Variants in UVSSA observed in about 807,000 individuals in gnomAD.
The protein encoded by UVSSA is UV-stimulated scaffold protein A.
Under a neutral mutation model 73.9 loss-of-function variants are expected in UVSSA, and 72 were observed. The ratio of observed to expected loss-of-function variants is 0.97; its 90% CI spans 0.81 to 1.19. The LOEUF (loss-of-function observed/expected upper bound fraction) is 1.19. Among genes scored for constraint, UVSSA ranks in the 50% most tolerant of loss-of-function variants. The pLI is 0.00. For synonymous variants in UVSSA, 454 were observed against 391.3 expected (o/e 1.16, Z -1.89); for missense variants, 1,150 against 965.0 (o/e 1.19, Z -2.54).
In UVSSA at chr4:1,375,376, C is replaced by T; in HGVS notation, c.1301C>T (p.Ala434Val). 4 of 1,613,462 alleles carry T rather than the reference C, an allele frequency of 2.5e-6. No individual in the cohort carries two copies. The highest frequency in any genetic ancestry group is 2.5e-6 in the Non-Finnish European group (3 of 1,179,922). Residue 434 changes from alanine (A) to valine (V), a missense_variant, in exon 9 of 14, where the codon GCA (alanine) becomes GTA (valine). By Grantham distance (64) the Ala-to-Val change is moderately conservative (BLOSUM62 0). Transcript: ENST00000389851. Reference protein sequence around the residue: ...HLRPEYGLEAAPEKDTVVRCL... With the variant: ...HLRPEYGLEAVPEKDTVVRCL... ...GTGTCTGTTTCAGGGCTGGAGGCAGCACCAGAGAAAGACACAGTTGTGCGG... is the reference window on the plus strand; with the variant it reads ...GTGTCTGTTTCAGGGCTGGAGGCAGTACCAGAGAAAGACACAGTTGTGCGG...
At chr4:1,374,582 G>T (rs1389710431) in intron 8 of UVSSA, among the ~76,000 whole-genome samples, 1 of 152,248 alleles carries the variant, frequency 6.6e-6, no homozygotes, top group Non-Finnish European at 1.5e-5. Context: ...GGACGTTGGT[G>T]AGACGCAGCG....
chr4:1,355,995 C>G (rs540686177), intron 7 of UVSSA, among the ~76,000 whole-genome samples: 1 of 152,122 alleles, frequency 6.6e-6, no homozygotes, highest in Admixed American at 6.6e-5. Context: ...CCTCTGCAGA[C>G]GTCCTCGGCA....
At chr4:1,381,295 G>C (rs1035972680) in intron 12 of UVSSA, among the ~76,000 whole-genome samples, 1 of 152,252 alleles carries the variant, frequency 6.6e-6, no homozygotes, top group Non-Finnish European at 1.5e-5. Context: ...TGCTTCCCTC[G>C]TGTTTTCAGG....
At chr4:1,344,531 A>G (rs1713543067), upstream of UVSSA, among the ~76,000 whole-genome samples, 2 of 152,344 alleles carry the variant, frequency 1.3e-5, no homozygotes, top group South Asian at 4.1e-4. Context: ...AGCCTGGGCG[A>G]CAGAGCAAGA....
chr4:1,382,990 G>A lies in UVSSA; in HGVS notation c.1862-776G>A, dbSNP rs375636955. On this transcript the variant is annotated intron_variant, in intron 12 of 13. Coordinates refer to ENST00000389851, the MANE Select transcript of UVSSA (RefSeq NM_020894.4). ...GAGCCCGACCAGCACCACACCTGGT[G>A]GAGGCCCACCTCCGCCTTGTGTGGG... Among the ~76,000 whole-genome samples, 17 of 152,348 alleles carry A rather than the reference G, an allele frequency of 1.1e-4. No individual in the cohort carries two copies. In the East Asian group the frequency reaches 2.7e-3, roughly 24 times the overall value.
At chr4:1,362,143 C>T (rs901512838) in intron 7 of UVSSA, among the ~76,000 whole-genome samples, 2 of 152,154 alleles carry the variant, frequency 1.3e-5, no homozygotes, top group African/African-American at 2.4e-5. Flanking sequence ...TAATTATGAT[C>T]GTGGAGGCTC....
intron 13 of UVSSA, 43 bp downstream of exon 13, chr4:1,383,983 C>G (rs552781225): frequency 1.3e-6 from 2 of 1,566,768 alleles, no homozygotes. Context: ...GTGGCCCCCC[C>G]GTGTGAGGGT....
chr4:1,388,826 CTT>C (rs1015355497), downstream of UVSSA: 1 of 152,080 alleles, frequency 6.6e-6, no homozygotes, highest in Non-Finnish European at 1.5e-5. Flanking sequence ...GTGTATAATC[CTT>C]TTTCTATGCT....
chr4:1,364,689 T>C (rs959662001), intron 7 of UVSSA, among the ~76,000 whole-genome samples: 1 of 152,134 alleles, frequency 6.6e-6, no homozygotes, highest in South Asian at 2.1e-4. Flanking sequence ...TCAGCTGTGC[T>C]GTGGGAACAG....
downstream of UVSSA, chr4:1,389,657 G>T (rs186400431): frequency 8.8e-4 from 134 of 152,114 alleles, 1 homozygote; most frequent in African/African-American, 3.2e-3. Context: ...GGGATTACAG[G>T]CATGAGCCAC....
chr4:1,394,353 T>A (rs1720470905), exon 14 of UVSSA: 4 of 1,277,272 alleles, frequency 3.1e-6, no homozygotes. Flanking sequence ...CCCTTAAAGA[T>A]TATATTTGAA....
intron 4 of UVSSA, 88 bp from the exon 5 acceptor site, chr4:1,352,942 G>A (rs773282438): frequency 1.9e-4 from 284 of 1,508,526 alleles, no homozygotes; most frequent in Admixed American, 6.8e-4. Context: ...GACACCCTGC[G>A]GGGAGTGGGC....
chr4:1,349,633 G>A lies in UVSSA; in HGVS notation c.208G>A (p.Val70Ile), dbSNP rs151085866. 18 of 1,613,936 alleles carry A rather than the reference G, an allele frequency of 1.1e-5. No homozygotes were observed. The highest frequency in any genetic ancestry group is 6.7e-5 in the Admixed American group (4 of 60,002). The change falls in exon 3 of 14, where the codon GTC (valine) becomes ATC (isoleucine). Residue 70 changes from valine to isoleucine, a missense_variant. Physicochemically the swap from Val to Ile is conservative, Grantham distance 29 (BLOSUM62 3). Transcript: ENST00000389851. Reference sequence around the variant, plus strand: ...CTTCCAGATTGTGGAGGAACTCTTCGTCAGGTCTCACCAGTTCCGGATGCT... The same window carrying A: ...CTTCCAGATTGTGGAGGAACTCTTCATCAGGTCTCACCAGTTCCGGATGCT... ...SAFQIVEELF[V>I]RSHQFRMLVV...
intron 3 of UVSSA, among the ~76,000 whole-genome samples, chr4:1,350,787 C>G (rs1246142785): frequency 6.6e-6 from 1 of 150,980 alleles, no homozygotes; most frequent in Admixed American, 6.6e-5. Context: ...AAAAAAACTA[C>G]TGTGAACTTA....
At chr4:1,352,178 G>T (rs1714873177) in intron 4 of UVSSA, among the ~76,000 whole-genome samples, 1 of 152,196 alleles carries the variant, frequency 6.6e-6, no homozygotes. Context: ...TCTTGCCCTT[G>T]CCAGCCCCTT....
chr4:1,391,575 G>A (rs1720415241), downstream of UVSSA: 1 of 152,022 alleles, frequency 6.6e-6, no homozygotes, highest in South Asian at 2.1e-4. Flanking sequence ...ATGTCTTTAA[G>A]TCCCTTTTGT....
exon 14 of UVSSA, chr4:1,394,842 C>G: frequency 7.2e-7 from 1 of 1,391,724 alleles, no homozygotes; most frequent in Non-Finnish European, 1.0e-6. Context: ...GCTCACGTGC[C>G]CATGTGGAGT....
intron 7 of UVSSA, among the ~76,000 whole-genome samples, chr4:1,360,029 C>T (rs771477261): frequency 6.6e-6 from 1 of 152,252 alleles, no homozygotes. Context: ...CCACCAGGCA[C>T]AGGCAGGGGA....
intron 7 of UVSSA, among the ~76,000 whole-genome samples, chr4:1,364,354 C>CG (rs1419022183): frequency 8.4e-6 from 1 of 118,734 alleles, no homozygotes; most frequent in Non-Finnish European, 2.0e-5. Flanking sequence ...TGCTGGTGCG[C>CG]GGGCCCCGTG....
Sources: allele counts gnomAD v4.1 joint callset (sites outside exome capture counted in the v4.1 genomes callset), GRCh38; gene constraint gnomAD v4.1.1; transcripts MANE v1.5; gene names NCBI Gene and HGNC (gene_info 2026-07-23, HGNC 2026-07-21).